POLR3B: variants seen among roughly 807,000 people sequenced by gnomAD.
The protein encoded by POLR3B is DNA-directed RNA polymerase III subunit RPC2.
A neutral mutation model predicts 147.4 loss-of-function variants in POLR3B; 96 were observed. The ratio of observed to expected loss-of-function variants is 0.65; its 90% CI spans 0.55 to 0.77. The LOEUF is 0.77. Ranked by LOEUF, POLR3B falls within the 30% of genes least tolerant of loss-of-function variation. The pLI, the probability that POLR3B is intolerant of heterozygous loss-of-function variation, is 0.00. For synonymous variants in POLR3B, 461 were observed against 485.9 expected (o/e 0.95, Z 0.67); for missense variants, 1,036 against 1,413.5 (o/e 0.73, Z 4.28).
chr12:106,433,573 C>T, intron 15 of POLR3B, 146 bp from the exon 16 acceptor site: 1 of 638,140 alleles, frequency 1.6e-6, no homozygotes, highest in East Asian at 2.8e-5. Context: ...TGCTTCCCTG[C>T]AACCTTGTGG....
intron 23 of POLR3B, among the ~76,000 whole-genome samples, chr12:106,466,929 A>G (rs1445391457): frequency 6.6e-6 from 1 of 152,200 alleles, no homozygotes; most frequent in Non-Finnish European, 1.5e-5. Context: ...TGTCTTGGGT[A>G]TGTGGGCTCT....
intron 16 of POLR3B, among the ~76,000 whole-genome samples, chr12:106,434,399 G>A (rs1020394816): frequency 3.9e-5 from 6 of 152,120 alleles, no homozygotes; most frequent in African/African-American, 1.4e-4. Flanking sequence ...GAGTAGGATT[G>A]TGTTAACTTG....
intron 27 of POLR3B, among the ~76,000 whole-genome samples, chr12:106,506,327 G>A (rs1057450876): frequency 1.3e-5 from 2 of 152,008 alleles, no homozygotes; most frequent in Admixed American, 6.6e-5. Context: ...GAAGAATCAC[G>A]TCATTAAAAA....
chr12:106,386,887 A>G (rs541825834), intron 9 of POLR3B, among the ~76,000 whole-genome samples: 18 of 151,178 alleles, frequency 1.2e-4, no homozygotes, highest in Non-Finnish European at 2.4e-4. Flanking sequence ...AGCCTGGGCA[A>G]CAGAGCAAGA....
chr12:106,430,234 T>G, intron 13 of POLR3B, 39 bp from the exon 14 acceptor site: 1 of 1,510,772 alleles, frequency 6.6e-7, no homozygotes, highest in Non-Finnish European at 9.2e-7. Flanking sequence ...AACATAGGAT[T>G]GGGTTAGGAA....
At position 106,369,359 on chromosome 12, in the gene POLR3B, G is replaced by A; in HGVS notation, c.303+9G>A. 6.8e-7 allele frequency: 1 copy of A among 1,479,124 alleles called. No homozygotes were observed. The highest frequency in any genetic ancestry group is 9.5e-7 in the Non-Finnish European group (1 of 1,056,782). 91.6% of individuals were successfully genotyped at this position (1,479,124 alleles called of 1,614,324 possible). On this transcript the variant is annotated intron_variant, in intron 5 of 27. Coordinates refer to ENST00000228347, the MANE Select transcript of POLR3B (RefSeq NM_018082.6). Reference sequence around the variant, plus strand: ...CAGTGTCCCCTCATGAGGTAATTATGAACCTTACTTTAATTGGACTTGTTT... The same window carrying A: ...CAGTGTCCCCTCATGAGGTAATTATAAACCTTACTTTAATTGGACTTGTTT...
At chr12:106,439,473 C>T (rs920411156) in intron 18 of POLR3B, among the ~76,000 whole-genome samples, 1 of 151,944 alleles carries the variant, frequency 6.6e-6, no homozygotes, top group Non-Finnish European at 1.5e-5. Context: ...GGCAAGACCC[C>T]GTCTCTACAA....
chr12:106,451,426 C>T (rs1179676633), intron 19 of POLR3B, among the ~76,000 whole-genome samples: 1 of 151,698 alleles, frequency 6.6e-6, no homozygotes, highest in East Asian at 1.9e-4. Context: ...TTGAGGAGTT[C>T]ACCTGGCCAA....
At chr12:106,385,850 T>G (rs1186583722) in intron 9 of POLR3B, among the ~76,000 whole-genome samples, 1 of 152,244 alleles carries the variant, frequency 6.6e-6, no homozygotes, top group East Asian at 1.9e-4. Context: ...GGAGCCATTT[T>G]CTTTTCAGGA....
intron 23 of POLR3B, among the ~76,000 whole-genome samples, chr12:106,485,534 G>A (rs1187991437): frequency 6.6e-6 from 1 of 152,196 alleles, no homozygotes; most frequent in Non-Finnish European, 1.5e-5. Context: ...TAGGACAGCA[G>A]CAGTGGAAAA....
At chr12:106,391,181 T>C (rs547084647) in intron 9 of POLR3B, among the ~76,000 whole-genome samples, 3 of 152,324 alleles carry the variant, frequency 2.0e-5, no homozygotes, top group Non-Finnish European at 2.9e-5. Flanking sequence ...CAGGTGCTCA[T>C]TGGCTGTTGG....
Position 106,357,863 on chromosome 12 carries a change from C to G in POLR3B, c.-17C>G. ...GGCGCGGAGGTTCTATCTGTTTCTT[C>G]CTCCTTCGTGAGCAGCATGGACGTG... On this transcript the variant is annotated 5_prime_UTR_variant, in exon 1 of 28. Coordinates refer to ENST00000228347, the MANE Select transcript of POLR3B (RefSeq NM_018082.6). 1 of 1,612,426 alleles carries G rather than the reference C, an allele frequency of 6.2e-7. No homozygotes were observed. The highest frequency in any genetic ancestry group is 2.2e-5 in the East Asian group (1 of 44,848).
In POLR3B at chr12:106,437,041, G is replaced by T. The variant is rs1206594987; in HGVS notation, c.1782-16G>T. On this transcript the variant is annotated splice_polypyrimidine_tract_variant and intron_variant, in intron 16 of 27. Transcript: ENST00000228347. ...CCTGGAACTATTATTAATTTGGTTT[G>T]CTGTTTCCATTCTAGACCCTACATA... The T allele has an allele frequency of 1.2e-6, 2 of 1,604,280 alleles. No homozygotes were observed. The highest frequency in any genetic ancestry group is 2.7e-5 in the African/African-American group (2 of 74,720).
chr12:106,487,186 G>A (rs1284857389), intron 23 of POLR3B, among the ~76,000 whole-genome samples: 5 of 152,200 alleles, frequency 3.3e-5, no homozygotes, highest in Non-Finnish European at 5.9e-5. Context: ...TAGTTGTCAT[G>A]AAATGAGCTG....
At chr12:106,467,709 A>G (rs1376411309) in intron 23 of POLR3B, among the ~76,000 whole-genome samples, 2 of 152,210 alleles carry the variant, frequency 1.3e-5, no homozygotes, top group African/African-American at 4.8e-5. Flanking sequence ...TATTGAGATA[A>G]TCATGTGGTT....
chr12:106,450,214 G>A (rs1565900214), intron 19 of POLR3B, among the ~76,000 whole-genome samples: 1 of 152,102 alleles, frequency 6.6e-6, no homozygotes, highest in Non-Finnish European at 1.5e-5. Context: ...CTACCTCATA[G>A]CATATGAAAA....
intron 12 of POLR3B, among the ~76,000 whole-genome samples, chr12:106,412,948 G>A (rs567074416): frequency 6.6e-6 from 1 of 152,140 alleles, no homozygotes; most frequent in South Asian, 2.1e-4. Context: ...TTGAAGAAAT[G>A]TCTATTCAAG....
intron 23 of POLR3B, among the ~76,000 whole-genome samples, chr12:106,477,849 G>A (rs952444196): frequency 1.4e-5 from 2 of 145,878 alleles, no homozygotes; most frequent in South Asian, 2.2e-4. Flanking sequence ...GCTGGGAGCT[G>A]TAGACGGGAG....
chr12:106,509,793 G>A lies in POLR3B; in HGVS notation c.*244G>A. 1 of 437,708 alleles carries A rather than the reference G, an allele frequency of 2.3e-6. No individual in the cohort carries two copies. The highest frequency in any genetic ancestry group is 4.3e-6 in the Non-Finnish European group (1 of 235,020). The allele number at this position is 437,708 out of a possible 1,614,324, so 27.1% of individuals were successfully genotyped here. A position where few individuals can be genotyped will look rare whatever the true frequency, so the allele number is the denominator to read the frequency against. On this transcript the variant is annotated 3_prime_UTR_variant, in exon 28 of 28. Transcript: ENST00000228347. ...GGACTGCAAGGCTGCTTGATTCACA[G>A]ATGGATGTGACCTAAAGGATAAATA... is the stretch of plus-strand genomic sequence containing the variant.
Sources: allele counts gnomAD v4.1 joint callset (sites outside exome capture counted in the v4.1 genomes callset), GRCh38; gene constraint gnomAD v4.1.1; transcripts MANE v1.5; gene names NCBI Gene and HGNC (gene_info 2026-07-23, HGNC 2026-07-21).